Variants in CARMIL1 observed in about 807,000 individuals in gnomAD.
CARMIL1 encodes the protein capping protein regulator and myosin 1 linker 1.
CARMIL1 carries 90 observed loss-of-function variants against 177.1 expected under a neutral mutation model. That is an observed-to-expected ratio of 0.51 (90% CI 0.43 to 0.61). CARMIL1 has a LOEUF of 0.61. Among genes scored for constraint, CARMIL1 ranks in the 20% least tolerant of loss-of-function variants. The probability of loss-of-function intolerance (pLI) is 0.00; values close to 1 mark genes in which losing one functional copy is unlikely to be tolerated. For missense variants in CARMIL1, 1,380 were observed against 1,667.0 expected (o/e 0.83, Z 3.00); for synonymous variants, 577 against 606.2 (o/e 0.95, Z 0.71).
chr6:25,340,947 T>C (rs953187127), intron 2 of CARMIL1, among the ~76,000 whole-genome samples: 15 of 151,630 alleles, frequency 9.9e-5, no homozygotes, highest in Middle Eastern at 3.2e-3. Flanking sequence ...AAGGAAGGAG[T>C]GTCACAATGT....
At chr6:25,387,027 G>A (rs1223480680) in intron 2 of CARMIL1, among the ~76,000 whole-genome samples, 1 of 150,316 alleles carries the variant, frequency 6.7e-6, no homozygotes, top group East Asian at 2.0e-4. Flanking sequence ...CTACTTAGGA[G>A]CCTGAGGCGG....
At position 25,341,355 on chromosome 6, in the gene CARMIL1, CTG is replaced by C. The variant is rs112315232; in HGVS notation, c.138+56447_138+56448del. ...AGAATATATTTGCATCTGAGTGGAA[CTG>C]ATGGTGGCTGTGGGTAGTCATAGAG... On this transcript the variant is annotated intron_variant, in intron 2 of 36. Transcript: ENST00000329474. 2.6e-3 allele frequency among the ~76,000 whole-genome samples: 400 copies of C among 152,304 alleles called. 2 individuals carry two copies. Among genetic ancestry groups the C allele is most frequent in the African/African-American group, 8.9e-3 (372 of 41,578 alleles).
chr6:25,574,573 G>A (rs1453547400), intron 29 of CARMIL1, among the ~76,000 whole-genome samples: 2 of 152,190 alleles, frequency 1.3e-5, no homozygotes, highest in Non-Finnish European at 2.9e-5. Context: ...TTCTCCTGAG[G>A]CACTCTCATG....
chr6:25,479,314 A>AT, intron 11 of CARMIL1: 2 of 471,082 alleles, frequency 4.2e-6, no homozygotes, highest in Non-Finnish European at 8.4e-6. Flanking sequence ...TTGTGGAGAG[A>AT]TTTTTTAATA....
chr6:25,451,663 C>T (rs982235170), intron 8 of CARMIL1, among the ~76,000 whole-genome samples: 2 of 152,138 alleles, frequency 1.3e-5, no homozygotes, highest in African/African-American at 2.4e-5. Flanking sequence ...CTCTAACAGT[C>T]GAGCCCGGCC....
In CARMIL1 at chr6:25,475,580, AGT is replaced by A. The variant is rs1171079180; in HGVS notation, c.874+3061_874+3062del. ...ACAATCCAAATGTTCATCACTGGAG[AGT>A]GGTTACATAAAATGCGGTATATATA... On this transcript the variant is annotated intron_variant, in intron 11 of 36. Transcript: ENST00000329474. 2.0e-5 allele frequency among the ~76,000 whole-genome samples: 3 copies of A among 152,318 alleles called. No homozygotes were observed. In the East Asian group the frequency reaches 5.8e-4, roughly 29 times the overall value.
chr6:25,303,582 A>G (rs78559031), intron 2 of CARMIL1, among the ~76,000 whole-genome samples: 4,258 of 152,348 alleles, frequency 0.028, 72 homozygotes, highest in Non-Finnish European at 0.038. Context: ...AGCGCCAATT[A>G]TCATCTCACA....
At chr6:25,604,570 C>T (rs1342764323) in intron 33 of CARMIL1, among the ~76,000 whole-genome samples, 2 of 152,130 alleles carry the variant, frequency 1.3e-5, no homozygotes, top group African/African-American at 2.4e-5. Context: ...GAGGAGCCTT[C>T]CGAGGAACCA....
chr6:25,500,998 A>G lies in CARMIL1; in HGVS notation c.1395+763A>G, dbSNP rs372055743. Reference sequence around the variant, plus strand: ...AGGATGGTCTGGATCTCCTGACCTCATGATCCACCCGCCTCAGCCTCCCAA... The same window carrying G: ...AGGATGGTCTGGATCTCCTGACCTCGTGATCCACCCGCCTCAGCCTCCCAA... On this transcript the variant is annotated intron_variant, in intron 17 of 36. Transcript: ENST00000329474. Among the ~76,000 whole-genome samples, 84 of 151,850 alleles carry G rather than the reference A, an allele frequency of 5.5e-4. No homozygotes were observed. The East Asian group carries it at 0.016, about 29-fold the overall frequency.
intron 3 of CARMIL1, chr6:25,420,504 T>C (rs1397717840): frequency 4.9e-6 from 1 of 204,132 alleles, no homozygotes; most frequent in East Asian, 1.2e-4. Flanking sequence ...CAGTTATTTT[T>C]CTCTCTCAAC....
At chr6:25,480,667 T>G (rs1403610163) in intron 11 of CARMIL1, among the ~76,000 whole-genome samples, 2 of 148,128 alleles carry the variant, frequency 1.4e-5, no homozygotes, top group East Asian at 3.9e-4. Context: ...ATATTTAATT[T>G]AAATTTATAT....
chr6:25,383,372 G>T (rs1014542489), intron 2 of CARMIL1, among the ~76,000 whole-genome samples: 3 of 152,130 alleles, frequency 2.0e-5, no homozygotes, highest in African/African-American at 7.2e-5. Flanking sequence ...ATATTTTAAA[G>T]ATACAAATAA....
In CARMIL1 at chr6:25,554,835, G is replaced by A. The variant is rs369215656; in HGVS notation, c.2592+739G>A. Among the ~76,000 whole-genome samples, 9 of 152,130 alleles carry A rather than the reference G, an allele frequency of 5.9e-5. No homozygotes were observed. Among genetic ancestry groups the A allele is most frequent in the South Asian group, 4.1e-4 (2 of 4,822 alleles). ...TTCTTCAATGTTTTCTTAACTGTGC[G>A]GGATGGAGATACCAGTTTTATGGCA... On this transcript the variant is annotated intron_variant, in intron 28 of 36. Coordinates refer to ENST00000329474, the MANE Select transcript of CARMIL1 (RefSeq NM_017640.6). This position sits in a 1 kb window ranked among gnomAD's most constrained non-coding sequence, Gnocchi z 4.6.
At chr6:25,606,367 G>T (rs1230099132) in intron 35 of CARMIL1, 94 bp downstream of exon 35, 62 of 1,152,740 alleles carry the variant, frequency 5.4e-5, no homozygotes, top group Non-Finnish European at 7.1e-5. Context: ...GGGGCAGCTG[G>T]TGAGCGAGGT....
At chr6:25,493,618 C>T (rs1008049799) in intron 15 of CARMIL1, among the ~76,000 whole-genome samples, 1 of 152,180 alleles carries the variant, frequency 6.6e-6, no homozygotes, top group Non-Finnish European at 1.5e-5. Context: ...GGTGCACATA[C>T]TGGCTCCCAA....
chr6:25,516,565 T>G (rs1021795325), intron 21 of CARMIL1, among the ~76,000 whole-genome samples: 1 of 152,178 alleles, frequency 6.6e-6, no homozygotes, highest in African/African-American at 2.4e-5. Context: ...GCAATTTCTT[T>G]GAAGGTCAGT....
chr6:25,341,102 T>G (rs1245588693), intron 2 of CARMIL1, among the ~76,000 whole-genome samples: 1 of 152,138 alleles, frequency 6.6e-6, no homozygotes, highest in Non-Finnish European at 1.5e-5. Flanking sequence ...CCTTGTTTGA[T>G]CTCATGATAA....
At chr6:25,616,609 G>A (rs556870684) in intron 36 of CARMIL1, among the ~76,000 whole-genome samples, 5 of 152,102 alleles carry the variant, frequency 3.3e-5, no homozygotes, top group East Asian at 1.9e-4. Flanking sequence ...ATACATACAC[G>A]CATACATACA....
chr6:25,343,315 G>GC (rs1491006524), intron 2 of CARMIL1, among the ~76,000 whole-genome samples: 3 of 115,006 alleles, frequency 2.6e-5, no homozygotes, highest in Admixed American at 1.8e-4. Flanking sequence ...CAGTATTTTT[G>GC]CTTTTTTTTT....
Sources: allele counts gnomAD v4.1 joint callset (sites outside exome capture counted in the v4.1 genomes callset), GRCh38; gene constraint gnomAD v4.1.1; non-coding constraint Gnocchi (gnomAD v3.1); transcripts MANE v1.5; gene names NCBI Gene and HGNC (gene_info 2026-07-23, HGNC 2026-07-21).